The following AHRR variants were observed in gnomAD, a reference collection of about 807,000 sequenced individuals.
AHRR encodes ahR repressor.
AHRR carries 28 observed loss-of-function variants against 44.0 expected under a neutral mutation model. That is an observed-to-expected ratio of 0.64 (90% CI 0.47 to 0.87). AHRR has a LOEUF of 0.87. Ranked by LOEUF, AHRR falls within the 40% of genes least tolerant of loss-of-function variation. The pLI, the probability that AHRR is intolerant of heterozygous loss-of-function variation, is 0.00. For missense variants in AHRR, 990 were observed against 953.9 expected (o/e 1.04, Z -0.50); for synonymous variants, 434 against 407.0 (o/e 1.07, Z -0.80).
At chr5:427,647 C>T (rs1361322631) in intron 7 of AHRR, 160 bp from the exon 8 acceptor site, 1 of 1,613,340 alleles carries the variant, frequency 6.2e-7, no homozygotes, top group South Asian at 1.1e-5. Context: ...GCCCGGGGGT[C>T]ACAGGCTTGG....
intron 3 of AHRR, among the ~76,000 whole-genome samples, chr5:365,283 T>C (rs1743318531): frequency 6.6e-6 from 1 of 152,022 alleles, no homozygotes; most frequent in Non-Finnish European, 1.5e-5. Flanking sequence ...TTTCAAAAGA[T>C]AAAATATTGA....
rs1388563987 is a variant in AHRR at position 326,239 on chromosome 5, A to T, written c.-11+4420A>T. Among the ~76,000 whole-genome samples, 1 of 152,200 alleles carries T rather than the reference A, an allele frequency of 6.6e-6. No homozygotes were observed. Among genetic ancestry groups the T allele is most frequent in the Non-Finnish European group, 1.5e-5 (1 of 68,044 alleles). Reference sequence around the variant, plus strand: ...TCATCGCCTCCGGCAGTGCTCACCCACCAGGCAGTCACTCCCCAGTCCCTG... The same window carrying T: ...TCATCGCCTCCGGCAGTGCTCACCCTCCAGGCAGTCACTCCCCAGTCCCTG... On this transcript the variant is annotated intron_variant, in intron 1 of 10. Transcript: ENST00000684583. The surrounding 1 kb of genome is among the most constrained non-coding windows in gnomAD (Gnocchi z 4.1).
chr5:360,908 A>C (rs1333541470), intron 3 of AHRR, among the ~76,000 whole-genome samples: 1 of 152,174 alleles, frequency 6.6e-6, no homozygotes, highest in Non-Finnish European at 1.5e-5. Context: ...AAAGAAAAGG[A>C]ACCAGAACTT....
At position 383,630 on chromosome 5, in the gene AHRR, A is replaced by C. The variant is rs1167886607; in HGVS notation, c.351+6914A>C. On this transcript the variant is annotated intron_variant, in intron 4 of 10. Transcript: ENST00000684583. This position sits in a 1 kb window ranked among gnomAD's most constrained non-coding sequence, Gnocchi z 4.0. The stretch of plus-strand genomic sequence containing the variant: ...CAGGCTGAAGTGCAGCAATGTGATC[A>C]TAGCTCACTGTAACCTTGAACTCCT... Among the ~76,000 whole-genome samples, 1 of 151,580 alleles carries C rather than the reference A, an allele frequency of 6.6e-6. No homozygotes were observed. Among genetic ancestry groups the C allele is most frequent in the Non-Finnish European group, 1.5e-5 (1 of 67,970 alleles).
At chr5:363,210 CAAGAGGGAT>C (rs1373927014) in intron 3 of AHRR, among the ~76,000 whole-genome samples, 3 of 152,174 alleles carry the variant, frequency 2.0e-5, no homozygotes, top group South Asian at 4.1e-4. Flanking sequence ...GTGGGAGGAA[CAAGAGGGAT>C]AAGAGGTAAG....
At chr5:325,676 A>G (rs1171192545) in intron 1 of AHRR, among the ~76,000 whole-genome samples, 1 of 150,208 alleles carries the variant, frequency 6.7e-6, no homozygotes, top group Non-Finnish European at 1.5e-5. Context: ...TCCCTGCTCC[A>G]ATCTGCCATT....
At position 416,187 on chromosome 5, in the gene AHRR, G is replaced by A. The variant is rs575691664; in HGVS notation, c.441+2754G>A. Among the ~76,000 whole-genome samples the A allele has an allele frequency of 1.5e-3, 227 of 152,360 alleles. 3 individuals carry two copies. Among genetic ancestry groups the A allele is most frequent in the African/African-American group, 5.2e-3 (216 of 41,584 alleles). On this transcript the variant is annotated intron_variant, in intron 5 of 10. Coordinates refer to ENST00000684583, the MANE Select transcript of AHRR (RefSeq NM_001377236.1). ...GCTGTGTGCAGGGAGAGGGAACACC[G>A]TGCAGTGGACATGGCTGCCAAGGGG...
chr5:420,739 A>G (rs1560919160), intron 5 of AHRR, among the ~76,000 whole-genome samples: 1 of 146,632 alleles, frequency 6.8e-6, no homozygotes, highest in Non-Finnish European at 1.5e-5. Flanking sequence ...GGACTGGGCA[A>G]GGCAGCTGGA....
Position 434,709 on chromosome 5 carries a change from C to CG in AHRR, c.1972dup (p.Glu658GlyfsTer44). On this transcript the variant is annotated frameshift_variant, in exon 11 of 11. Coordinates refer to ENST00000684583, the MANE Select transcript of AHRR (RefSeq NM_001377236.1). ...TGCTGAGGCCGCCCCTGTGGTCAAG[C>CG]GGGAGCCCTTGGACTCACCCCAGTG... 2 of 1,573,670 alleles carry CG rather than the reference C, an allele frequency of 1.3e-6. No homozygotes were observed. The highest frequency in any genetic ancestry group is 1.7e-6 in the Non-Finnish European group (2 of 1,159,396).
At position 343,894 on chromosome 5, in the gene AHRR, C is replaced by G. The variant is rs756892397; in HGVS notation, c.-9C>G. On this transcript the variant is annotated splice_region_variant and 5_prime_UTR_variant, in exon 2 of 11. Transcript: ENST00000684583. ...ACCGGGTGCCCCCTTGTCTTCCAGG[C>G]CGAGGACGATGATCCCGCCGGGGGA... The G allele has an allele frequency of 3.8e-6, 6 of 1,598,638 alleles. No homozygotes were observed. The Admixed American group carries it at 1.0e-4, about 27-fold the overall frequency.
At chr5:399,045 A>G (rs746356949) in intron 4 of AHRR, among the ~76,000 whole-genome samples, 4 of 152,240 alleles carry the variant, frequency 2.6e-5, no homozygotes, top group South Asian at 2.1e-4. Flanking sequence ...TTGGTTTCCT[A>G]CCGGGTGGTT....
At chr5:334,545 A>C (rs964407470) in intron 1 of AHRR, among the ~76,000 whole-genome samples, 2 of 151,804 alleles carry the variant, frequency 1.3e-5, no homozygotes, top group Middle Eastern at 6.8e-3. Context: ...GGTTTTTTTT[A>C]AAAAATGTAT....
At chr5:324,731 G>T (rs1197210756) in intron 1 of AHRR, among the ~76,000 whole-genome samples, 2 of 152,170 alleles carry the variant, frequency 1.3e-5, no homozygotes, top group African/African-American at 2.4e-5. Flanking sequence ...GGAGGTTGTG[G>T]TGAGCCAAAG....
At position 402,080 on chromosome 5, in the gene AHRR, A is replaced by C. The variant is rs374317681; in HGVS notation, c.352-11264A>C. Among the ~76,000 whole-genome samples the C allele has an allele frequency of 3.9e-5, 6 of 152,312 alleles. No individual in the cohort carries two copies. In the East Asian group the frequency reaches 7.7e-4, roughly 20 times the overall value. On this transcript the variant is annotated intron_variant, in intron 4 of 10. Coordinates refer to ENST00000684583, the MANE Select transcript of AHRR (RefSeq NM_001377236.1). The stretch of plus-strand genomic sequence containing the variant: ...CACTGGCGGGAAAGACCCCACATAC[A>C]TAAGGAACCCAGCCAACTCAAGAGG...
intron 1 of AHRR, among the ~76,000 whole-genome samples, chr5:339,857 G>A (rs1742270510): frequency 6.6e-6 from 1 of 151,732 alleles, no homozygotes; most frequent in Non-Finnish European, 1.5e-5. Flanking sequence ...ATTGGTGTTT[G>A]GATGTTGAAG....
intron 4 of AHRR, among the ~76,000 whole-genome samples, chr5:379,426 C>T (rs1316831448): frequency 3.3e-5 from 5 of 152,156 alleles, no homozygotes; most frequent in African/African-American, 1.2e-4. Context: ...CGTAGGTCTT[C>T]GTTTCATGAA....
In AHRR at chr5:432,492, C is replaced by T. The variant is rs751244139; in HGVS notation, c.938C>T (p.Ser313Leu). The part of the protein sequence containing the change: ...KVKATTSLCE[S>L]ELHGKPNYSA... Reference sequence around the variant, plus strand: ...AAAGCCACCACCAGTCTGTGCGAATCGGAACTGCATGGAAAACCCAATTAC... The same window carrying T: ...AAAGCCACCACCAGTCTGTGCGAATTGGAACTGCATGGAAAACCCAATTAC... Residue 313 changes from serine to leucine, a missense_variant, in exon 9 of 11, where the codon TCG (serine) becomes TTG (leucine). Ser to Leu is a moderately radical substitution (Grantham distance 145, BLOSUM62 -2). Transcript: ENST00000684583. 47 of 1,614,046 alleles carry T rather than the reference C, an allele frequency of 2.9e-5. 1 individual carries two copies. The highest frequency in any genetic ancestry group is 8.0e-5 in the African/African-American group (6 of 74,934).
chr5:388,561 G>A lies in AHRR; in HGVS notation c.351+11845G>A, dbSNP rs375461176. ...CGGCAGGTCTCTTCCAAACCAGGGC[G>A]TCTGCGGTGGCCCTGAGCCGAGGCT... On this transcript the variant is annotated intron_variant, in intron 4 of 10. Coordinates refer to ENST00000684583, the MANE Select transcript of AHRR (RefSeq NM_001377236.1). The surrounding 1 kb of genome is among the most constrained non-coding windows in gnomAD (Gnocchi z 5.2). 2.6e-5 allele frequency among the ~76,000 whole-genome samples: 4 copies of A among 152,226 alleles called. No individual in the cohort carries two copies. Among genetic ancestry groups the A allele is most frequent in the Middle Eastern group, 3.2e-3 (1 of 316 alleles).
At chr5:415,317 TAGGGGCCGAATCTGCCTGGTGGGGC>T (rs1160579279) in intron 5 of AHRR, among the ~76,000 whole-genome samples, 3 of 146,754 alleles carry the variant, frequency 2.0e-5, no homozygotes, top group Non-Finnish European at 3.0e-5. Context: ...GTGGGAGGCC[TAGGGGCCGAATCTGCCTGGTGGGGC>T]GGGAGGCCTA....
Sources: allele counts gnomAD v4.1 joint callset (sites outside exome capture counted in the v4.1 genomes callset), GRCh38; gene constraint gnomAD v4.1.1; non-coding constraint Gnocchi (gnomAD v3.1); transcripts MANE v1.5; gene names NCBI Gene and HGNC (gene_info 2026-07-23, HGNC 2026-07-21).